SMURF1: variants seen among roughly 807,000 people sequenced by gnomAD.
The protein encoded by SMURF1 is SMAD specific E3 ubiquitin protein ligase 1.
Under a neutral mutation model 98.0 loss-of-function variants are expected in SMURF1, and 44 were observed. That is an observed-to-expected ratio of 0.45 (90% confidence interval 0.35 to 0.58). The LOEUF is 0.58. Among genes scored for constraint, SMURF1 ranks in the 20% least tolerant of loss-of-function variants. The pLI, the probability that SMURF1 is intolerant of heterozygous loss-of-function variation, is 0.00. For synonymous variants in SMURF1, 396 were observed against 374.9 expected (o/e 1.06, Z -0.65); for missense variants, 687 against 938.4 (o/e 0.73, Z 3.50).
intron 1 of SMURF1, among the ~76,000 whole-genome samples, chr7:99,076,784 T>C (rs1314988148): frequency 2.0e-5 from 3 of 152,238 alleles, no homozygotes; most frequent in Non-Finnish European, 4.4e-5. Flanking sequence ...TATGCGTATG[T>C]ACATGTGTGT....
intron 1 of SMURF1, among the ~76,000 whole-genome samples, chr7:99,088,193 G>C (rs7788342): frequency 0.041 from 6,177 of 151,826 alleles, 436 homozygotes; most frequent in African/African-American, 0.14. Context: ...CTTAGGTGGA[G>C]GCTGCAGTGA....
chr7:99,037,010 C>T (rs1795170960), intron 15 of SMURF1, 57 bp downstream of exon 15: 6 of 1,611,042 alleles, frequency 3.7e-6, no homozygotes, highest in South Asian at 1.1e-5. Context: ...GGATTTAAAA[C>T]AGGCAGACGC....
At chr7:99,124,638 C>T (rs184891531) in intron 1 of SMURF1, among the ~76,000 whole-genome samples, 31 of 151,900 alleles carry the variant, frequency 2.0e-4, no homozygotes, top group African/African-American at 7.2e-4. Flanking sequence ...GGAAGTAGGT[C>T]CAGTGTCAAA....
At chr7:99,143,004 G>C (rs1235962242) in intron 1 of SMURF1, among the ~76,000 whole-genome samples, 1 of 149,888 alleles carries the variant, frequency 6.7e-6, no homozygotes. Flanking sequence ...AGTGAGGGCC[G>C]ATGCTAGGAA....
At chr7:99,063,241 T>TTTTATATATA (rs1796084918) in intron 1 of SMURF1, among the ~76,000 whole-genome samples, 1 of 34,896 alleles carries the variant, frequency 2.9e-5, no homozygotes, top group African/African-American at 1.2e-4. Flanking sequence ...TAAGATTTAT[T>TTTTATATATA]TATATATATA....
At chr7:99,098,275 C>T (rs2150586293) in intron 1 of SMURF1, among the ~76,000 whole-genome samples, 1 of 152,190 alleles carries the variant, frequency 6.6e-6, no homozygotes, top group African/African-American at 2.4e-5. Flanking sequence ...GAGATGGAAG[C>T]AGGGGAGACG....
intron 1 of SMURF1, among the ~76,000 whole-genome samples, chr7:99,139,028 A>G (rs1238949687): frequency 6.6e-6 from 1 of 152,234 alleles, no homozygotes; most frequent in Non-Finnish European, 1.5e-5. Flanking sequence ...ACTGTGTTAT[A>G]TGGTTTTTGA....
intron 8 of SMURF1, chr7:99,049,923 A>G (rs779071147): frequency 2.2e-6 from 1 of 455,286 alleles, no homozygotes; most frequent in Non-Finnish European, 3.8e-6. Flanking sequence ...TTTAAAACCA[A>G]ACTTTCAGGC....
chr7:99,041,999 CTTACCACTGTCTTTGA>C (rs1237214516), intron 12 of SMURF1, 103 bp downstream of exon 12: 9 of 779,248 alleles, frequency 1.2e-5, no homozygotes, highest in Non-Finnish European at 1.7e-5. Flanking sequence ...CCATGTTTTG[CTTACCACTGTCTTTGA>C]TTAAGTCTAC....
intron 1 of SMURF1, among the ~76,000 whole-genome samples, chr7:99,101,993 A>C (rs925530058): frequency 1.4e-4 from 21 of 151,972 alleles, no homozygotes; most frequent in African/African-American, 4.6e-4. Context: ...CTTATTTTGC[A>C]TTTCCATGTC....
intron 14 of SMURF1, among the ~76,000 whole-genome samples, chr7:99,038,134 G>A (rs1362589612): frequency 6.6e-6 from 1 of 151,858 alleles, no homozygotes; most frequent in Non-Finnish European, 1.5e-5. Flanking sequence ...AGAATTAGGT[G>A]GTCACTGAAA....
intron 1 of SMURF1, among the ~76,000 whole-genome samples, chr7:99,131,999 C>A (rs1238721638): frequency 6.6e-6 from 1 of 152,124 alleles, no homozygotes; most frequent in Non-Finnish European, 1.5e-5. Context: ...TTATCCCCGC[C>A]AGCCCTGAGG....
rs969828833 is a variant in SMURF1 at position 99,094,848 on chromosome 7, C to T, written c.56-33011G>A. The stretch of plus-strand genomic sequence containing the variant: ...TCATGCAAAAAATTATTTTATGCCA[C>T]GCTGTCAAACAGCCTACAGCTGGGT... On this transcript the variant is annotated intron_variant, in intron 1 of 17. Transcript: ENST00000361368. Among the ~76,000 whole-genome samples, 5 of 152,120 alleles carry T rather than the reference C, an allele frequency of 3.3e-5. No homozygotes were observed. The East Asian group carries it at 5.8e-4, about 18-fold the overall frequency.
intron 1 of SMURF1, among the ~76,000 whole-genome samples, chr7:99,108,611 C>CAAAAAAAAAAAAA (rs11458541): frequency 5.1e-4 from 30 of 58,444 alleles, no homozygotes; most frequent in East Asian, 2.2e-3. Context: ...AACTCTGTCT[C>CAAAAAAAAAAAAA]AAAAAAAAAA....
At chr7:99,136,310 C>A (rs987908464) in intron 1 of SMURF1, among the ~76,000 whole-genome samples, 1 of 152,198 alleles carries the variant, frequency 6.6e-6, no homozygotes, top group African/African-American at 2.4e-5. Flanking sequence ...TAGGTACTGG[C>A]CTTTTCCTAA....
intron 15 of SMURF1, chr7:99,036,031 C>A: frequency 2.5e-6 from 1 of 398,242 alleles, no homozygotes. Context: ...ACCGGTGACA[C>A]TGAACAGAGC....
intron 1 of SMURF1, among the ~76,000 whole-genome samples, chr7:99,101,697 C>G (rs999861278): frequency 6.6e-6 from 1 of 152,116 alleles, no homozygotes; most frequent in Non-Finnish European, 1.5e-5. Context: ...CCCAGCACTT[C>G]GGGAGGCCGA....
intron 17 of SMURF1, among the ~76,000 whole-genome samples, chr7:99,032,575 A>G (rs1404475406): frequency 6.6e-6 from 1 of 152,252 alleles, no homozygotes; most frequent in African/African-American, 2.4e-5. Flanking sequence ...AGGCTGAGGC[A>G]TGAGAATTGC....
chr7:99,066,345 TCTGAATAGAATAATC>T (rs1159210747), intron 1 of SMURF1, among the ~76,000 whole-genome samples: 24 of 152,302 alleles, frequency 1.6e-4, no homozygotes, highest in Admixed American at 1.5e-3. Context: ...CTAGATTGCT[TCTGAATAGAATAATC>T]CTGGTCACAT....
Sources: allele counts gnomAD v4.1 joint callset (sites outside exome capture counted in the v4.1 genomes callset), GRCh38; gene constraint gnomAD v4.1.1; transcripts MANE v1.5; gene names NCBI Gene and HGNC (gene_info 2026-07-23, HGNC 2026-07-21).